Variants in GHR observed in about 807,000 individuals in gnomAD.
The protein encoded by GHR is growth hormone receptor, also known as GH receptor.
In GHR, 35 loss-of-function variants were observed where a neutral mutation model predicts 67.1. The observed-to-expected ratio is 0.52, with a 90% CI of 0.40 to 0.69. The LOEUF (loss-of-function observed/expected upper bound fraction) is 0.69. Among genes scored for constraint, GHR ranks in the 30% least tolerant of loss-of-function variants. GHR has a pLI of 0.00. For missense variants in GHR, 792 were observed against 764.6 expected (o/e 1.04, Z -0.42); for synonymous variants, 272 against 269.1 (o/e 1.01, Z -0.10).
chr5:42,718,381 A>G, intron 9 of GHR, 72 bp from the exon 10 acceptor site: 4 of 1,138,452 alleles, frequency 3.5e-6, no homozygotes, highest in Admixed American at 1.7e-5. Flanking sequence ...TAATCTCTGA[A>G]CATTATTTGC....
chr5:42,439,741 T>C (rs1426943516), intron 1 of GHR, among the ~76,000 whole-genome samples: 1 of 152,236 alleles, frequency 6.6e-6, no homozygotes, highest in East Asian at 1.9e-4. Flanking sequence ...TTTTAATATA[T>C]TTACAAAGTG....
At chr5:42,538,364 T>C (rs895319584) in intron 1 of GHR, among the ~76,000 whole-genome samples, 1 of 152,250 alleles carries the variant, frequency 6.6e-6, no homozygotes, top group Non-Finnish European at 1.5e-5. Flanking sequence ...CTTGTAGTGC[T>C]GGCTTGGCAG....
chr5:42,561,706 AG>A (rs1749619192), intron 1 of GHR, among the ~76,000 whole-genome samples: 1 of 152,230 alleles, frequency 6.6e-6, no homozygotes. Flanking sequence ...AAATGGTGTG[AG>A]TTCCATTATG....
intron 1 of GHR, among the ~76,000 whole-genome samples, chr5:42,508,164 A>G (rs73083478): frequency 0.033 from 5,055 of 152,276 alleles, 113 homozygotes; most frequent in Middle Eastern, 0.082. Flanking sequence ...AGCAGCCAGG[A>G]GAATTGCTGG....
chr5:42,552,732 A>G (rs1427438444), intron 1 of GHR, among the ~76,000 whole-genome samples: 3 of 152,180 alleles, frequency 2.0e-5, no homozygotes, highest in Non-Finnish European at 2.9e-5. Flanking sequence ...CCCAGAAAAC[A>G]AGAATCAGAA....
At chr5:42,438,674 C>T (rs1743439579) in intron 1 of GHR, among the ~76,000 whole-genome samples, 1 of 152,140 alleles carries the variant, frequency 6.6e-6, no homozygotes, top group Non-Finnish European at 1.5e-5. Flanking sequence ...AGACCAGTAG[C>T]CAGTATGAAA....
At chr5:42,617,253 A>AG (rs1197488788) in intron 2 of GHR, among the ~76,000 whole-genome samples, 6 of 151,186 alleles carry the variant, frequency 4.0e-5, no homozygotes, top group African/African-American at 1.2e-4. Flanking sequence ...AAAAAAAAAA[A>AG]GAAGAAGAAG....
intron 1 of GHR, among the ~76,000 whole-genome samples, chr5:42,536,216 G>A (rs1394229778): frequency 2.0e-5 from 3 of 152,096 alleles, no homozygotes; most frequent in African/African-American, 4.8e-5. Context: ...GAGGAGTGGC[G>A]AGAGTGGGCA....
intron 1 of GHR, chr5:42,514,336 A>T (rs1390784738): frequency 1.3e-6 from 1 of 790,008 alleles, no homozygotes; most frequent in Non-Finnish European, 1.5e-6. Context: ...CCTTGTTGAG[A>T]TCTCCAGCCT....
intron 2 of GHR, among the ~76,000 whole-genome samples, chr5:42,623,119 AC>A (rs757320651): frequency 6.6e-6 from 1 of 152,172 alleles, no homozygotes; most frequent in Non-Finnish European, 1.5e-5. Context: ...TATAACACTT[AC>A]TTATCACTAA....
At chr5:42,460,553 TG>T (rs1346174719) in intron 1 of GHR, among the ~76,000 whole-genome samples, 1 of 152,202 alleles carries the variant, frequency 6.6e-6, no homozygotes, top group Non-Finnish European at 1.5e-5. Flanking sequence ...CTTATGCAAA[TG>T]GTTGACTTTG....
At chr5:42,675,204 C>T (rs190059543) in intron 3 of GHR, among the ~76,000 whole-genome samples, 2 of 152,236 alleles carry the variant, frequency 1.3e-5, no homozygotes, top group East Asian at 3.9e-4. Context: ...ATTCTATTTC[C>T]TAAGTCAGTT....
chr5:42,555,034 G>T (rs1749233126), intron 1 of GHR, among the ~76,000 whole-genome samples: 1 of 152,072 alleles, frequency 6.6e-6, no homozygotes, highest in Admixed American at 6.6e-5. Context: ...AGAGTGAAGG[G>T]GTACACTGTA....
At chr5:42,707,191 A>G (rs1459929238) in intron 6 of GHR, among the ~76,000 whole-genome samples, 1 of 152,016 alleles carries the variant, frequency 6.6e-6, no homozygotes, top group African/African-American at 2.4e-5. Flanking sequence ...TCTTGCATAA[A>G]AAACTCTACA....
chr5:42,642,561 G>A (rs531746519), intron 3 of GHR, among the ~76,000 whole-genome samples: 62 of 152,200 alleles, frequency 4.1e-4, no homozygotes, highest in Non-Finnish European at 8.1e-4. Flanking sequence ...GGTGGTTCTA[G>A]GTAGGTATGC....
At chr5:42,521,477 A>C (rs1472377660) in intron 1 of GHR, among the ~76,000 whole-genome samples, 2 of 152,224 alleles carry the variant, frequency 1.3e-5, no homozygotes, top group Non-Finnish European at 2.9e-5. Context: ...TGGCAGCTGC[A>C]CTGGCTTTCA....
intron 1 of GHR, among the ~76,000 whole-genome samples, chr5:42,434,858 G>T (rs1404699571): frequency 2.0e-5 from 3 of 152,172 alleles, no homozygotes; most frequent in Non-Finnish European, 4.4e-5. Flanking sequence ...TTACAAATTG[G>T]TTGACTTTTT....
intron 2 of GHR, among the ~76,000 whole-genome samples, chr5:42,624,991 T>G (rs1276733343): frequency 6.6e-6 from 1 of 152,230 alleles, no homozygotes; most frequent in Non-Finnish European, 1.5e-5. Context: ...ATGTTTGCTT[T>G]TTGTCATAAT....
At chr5:42,638,070 GCTGGGATTACA>G (rs1249006112) in intron 3 of GHR, among the ~76,000 whole-genome samples, 2 of 152,274 alleles carry the variant, frequency 1.3e-5, no homozygotes, top group East Asian at 3.9e-4. Context: ...CTCCTGAGTA[GCTGGGATTACA>G]GTCGTGCACC....
Sources: allele counts gnomAD v4.1 joint callset (sites outside exome capture counted in the v4.1 genomes callset), GRCh38; gene constraint gnomAD v4.1.1; transcripts MANE v1.5; gene names NCBI Gene and HGNC (gene_info 2026-07-23, HGNC 2026-07-21).